The following DDX60L variants were observed in gnomAD, a reference collection of about 807,000 sequenced individuals.
The protein encoded by DDX60L is DExD/H-box 60 like.
A neutral mutation model predicts 211.6 loss-of-function variants in DDX60L; 191 were observed. The observed-to-expected ratio is 0.90, with a 90% CI of 0.80 to 1.02. DDX60L has a LOEUF of 1.02. Ranked by LOEUF, DDX60L falls within the 50% of genes least tolerant of loss-of-function variation. The probability of loss-of-function intolerance (pLI) is 0.00; values close to 1 mark genes in which losing one functional copy is unlikely to be tolerated. For missense variants in DDX60L, 2,007 were observed against 1,984.1 expected, an observed-to-expected ratio of 1.01 and a Z score of -0.22; for synonymous variants, 706 against 694.1, an observed-to-expected ratio of 1.02 and a Z score of -0.27.
intron 36 of DDX60L, among the ~76,000 whole-genome samples, chr4:168,368,212 C>G (rs1467812109): frequency 6.6e-6 from 1 of 152,202 alleles, no homozygotes; most frequent in Non-Finnish European, 1.5e-5. Flanking sequence ...TTTCATGGGC[C>G]AGGCCCAGGG....
chr4:168,372,963 T>C (rs1419082917), intron 35 of DDX60L, among the ~76,000 whole-genome samples: 1 of 152,220 alleles, frequency 6.6e-6, no homozygotes, highest in Non-Finnish European at 1.5e-5. Flanking sequence ...AATGTCAATA[T>C]TTATAATGAA....
rs145303609 is a variant in DDX60L, at chr4:168,426,388, C to A, written c.1930+682G>T. On this transcript the variant is annotated intron_variant, in intron 14 of 37. Transcript: ENST00000682922. ...TGTGCTCCATGGCGGAGATAAAGAG[C>A]CCAGGTAGAAACCACACACAAAGTA... Among the ~76,000 whole-genome samples the A allele has an allele frequency of 5.9e-5, 9 of 152,192 alleles. No homozygotes were observed. In the East Asian group the frequency reaches 1.7e-3, roughly 29 times the overall value.
chr4:168,474,143 T>C (rs1759178604), intron 1 of DDX60L, among the ~76,000 whole-genome samples: 1 of 152,168 alleles, frequency 6.6e-6, no homozygotes, highest in Admixed American at 6.5e-5. Flanking sequence ...AAAAGTTAAG[T>C]ACTATTTGAA....
intron 4 of DDX60L, among the ~76,000 whole-genome samples, chr4:168,462,687 C>T (rs1757474796): frequency 6.6e-6 from 1 of 152,100 alleles, no homozygotes; most frequent in Admixed American, 6.5e-5. Context: ...GTGGTGGGTG[C>T]CTGCAAGCCC....
intron 1 of DDX60L, among the ~76,000 whole-genome samples, chr4:168,473,503 C>A (rs1759077306): frequency 6.6e-6 from 1 of 152,080 alleles, no homozygotes; most frequent in African/African-American, 2.4e-5. Flanking sequence ...CATAGTTTGG[C>A]AATAGATTCC....
chr4:168,422,388 A>T, intron 16 of DDX60L, 136 bp downstream of exon 16: 1 of 800,680 alleles, frequency 1.2e-6, no homozygotes, highest in Non-Finnish European at 1.9e-6. Flanking sequence ...TACTCTAGTT[A>T]CATTCTCCAG....
chr4:168,419,688 G>A (rs992020706), intron 18 of DDX60L, among the ~76,000 whole-genome samples: 2 of 152,100 alleles, frequency 1.3e-5, no homozygotes, highest in South Asian at 2.1e-4. Context: ...TTTACCTATC[G>A]ACGGGTCCAC....
chr4:168,473,613 GT>G (rs1427517588), intron 1 of DDX60L, among the ~76,000 whole-genome samples: 3 of 152,158 alleles, frequency 2.0e-5, no homozygotes, highest in African/African-American at 7.2e-5. Context: ...ACACTGAAAG[GT>G]GGCCAAGTTT....
At chr4:168,369,048 G>A (rs1013440899) in intron 36 of DDX60L, among the ~76,000 whole-genome samples, 2 of 152,162 alleles carry the variant, frequency 1.3e-5, no homozygotes, top group African/African-American at 2.4e-5. Flanking sequence ...TTAAGACTCT[G>A]GGGGACTGCT....
intron 10 of DDX60L, among the ~76,000 whole-genome samples, chr4:168,439,985 C>T (rs1753592502): frequency 6.6e-6 from 1 of 152,166 alleles, no homozygotes; most frequent in Non-Finnish European, 1.5e-5. Context: ...TGGCCAATAA[C>T]AGATGAAAAG....
At chr4:168,371,817 T>G in intron 35 of DDX60L, 54 bp from the exon 36 acceptor site, 28 of 1,453,634 alleles carry the variant, frequency 1.9e-5, no homozygotes, top group Non-Finnish European at 2.5e-5. Flanking sequence ...GAGTAACTGT[T>G]TGCAGTTTGA....
intron 12 of DDX60L, among the ~76,000 whole-genome samples, chr4:168,431,585 G>A (rs1035802004): frequency 6.6e-5 from 10 of 151,010 alleles, no homozygotes; most frequent in African/African-American, 2.4e-4. Context: ...ATAGCATTAA[G>A]AGATATACCT....
At chr4:168,381,801 C>T (rs1743009477) in intron 30 of DDX60L, among the ~76,000 whole-genome samples, 1 of 152,020 alleles carries the variant, frequency 6.6e-6, no homozygotes, top group African/African-American at 2.4e-5. Context: ...AAATTTATGC[C>T]AGGTTAAATT....
At chr4:168,419,175 T>G in intron 19 of DDX60L, 127 bp downstream of exon 19, 1 of 575,514 alleles carries the variant, frequency 1.7e-6, no homozygotes, top group South Asian at 3.0e-5. Context: ...CAATCTGTTT[T>G]CCATTGGTAC....
intron 1 of DDX60L, among the ~76,000 whole-genome samples, chr4:168,478,812 T>C (rs892381197): frequency 2.0e-5 from 3 of 152,212 alleles, no homozygotes; most frequent in Admixed American, 6.5e-5. Flanking sequence ...AAGAAATGTA[T>C]ATCTTTGGAG....
chr4:168,401,146 G>T (rs1045115657), intron 25 of DDX60L, among the ~76,000 whole-genome samples, 168 bp from the exon 26 acceptor site: 3 of 152,094 alleles, frequency 2.0e-5, no homozygotes, highest in African/African-American at 7.2e-5. Flanking sequence ...GGGAAGTAGG[G>T]GTTCAACATA....
chr4:168,362,465 C>T (rs1579150235), intron 36 of DDX60L, among the ~76,000 whole-genome samples: 1 of 152,224 alleles, frequency 6.6e-6, no homozygotes, highest in East Asian at 1.9e-4. Flanking sequence ...CACAGATACC[C>T]AGCTCAAGAG....
intron 22 of DDX60L, among the ~76,000 whole-genome samples, chr4:168,413,369 A>G (rs1013231578): frequency 6.6e-6 from 1 of 152,142 alleles, no homozygotes; most frequent in African/African-American, 2.4e-5. Context: ...TATTAATGCA[A>G]AACTCCTCAA....
intron 29 of DDX60L, among the ~76,000 whole-genome samples, chr4:168,389,877 T>C (rs1451841323): frequency 6.6e-6 from 1 of 152,214 alleles, no homozygotes; most frequent in Non-Finnish European, 1.5e-5. Flanking sequence ...GTGCAAGCAG[T>C]AGAACTAACA....
Sources: gnomAD v4.1 joint callset for allele counts (sites outside exome capture counted in the v4.1 genomes callset) on GRCh38, gnomAD v4.1.1 for gene constraint, MANE v1.5 for transcripts, NCBI Gene and HGNC (gene_info 2026-07-23, HGNC 2026-07-21) for gene names.